AMBN: variants seen among roughly 807,000 people sequenced by gnomAD.
AMBN encodes the protein enamel matrix protein.
AMBN carries 54 observed loss-of-function variants against 48.0 expected under a neutral mutation model. That is an observed-to-expected ratio of 1.12 (90% CI 0.90 to 1.41). The LOEUF is 1.41. Ranked by LOEUF, AMBN falls within the 40% of genes most tolerant of loss-of-function variation. The pLI is 0.00. For synonymous variants in AMBN, 186 were observed against 190.0 expected, an observed-to-expected ratio of 0.98 and a Z score of 0.17; for missense variants, 571 against 547.3, an observed-to-expected ratio of 1.04 and a Z score of -0.43.
intron 4 of AMBN, 37 bp downstream of exon 4, chr4:70,598,440 GGTA>G: frequency 6.6e-7 from 1 of 1,513,102 alleles, no homozygotes; most frequent in African/African-American, 1.4e-5. Flanking sequence ...TCATGGTGGT[GGTA>G]GTGTTAATAT....
chr4:70,599,009 A>AG, intron 4 of AMBN, among the ~76,000 whole-genome samples: 1 of 150,096 alleles, frequency 6.7e-6, no homozygotes, highest in East Asian at 2.0e-4. Context: ...GCCTGACCTC[A>AG]GGTGATCCAC....
At position 70,606,265 on chromosome 4, in the gene AMBN, C is replaced by T. The variant is rs1363285302; in HGVS notation, c.879C>T (p.Pro293=). The stretch of plus-strand genomic sequence containing the variant: ...TGAGGCCCGGCTTTGAGGGAATGCC[C>T]CACAACCCAGCTATGGGCGGTGACT... ...GGMRPGFEGM[P]HNPAMGGDFT... is the part of the protein sequence containing the mutation. Residue 293 remains proline, a synonymous_variant, in exon 13 of 13, where the codon CCC becomes CCT. Transcript: ENST00000322937. 1 of 1,613,970 alleles carries T rather than the reference C, an allele frequency of 6.2e-7. No homozygotes were observed. Among genetic ancestry groups the T allele is most frequent in the Non-Finnish European group, 8.5e-7 (1 of 1,180,024 alleles).
Position 70,602,013 on chromosome 4 carries a change from C to T in AMBN, c.531+359C>T, listed in dbSNP as rs190944379. 53 of 455,524 alleles carry T rather than the reference C, an allele frequency of 1.2e-4. No individual in the cohort carries two copies. In the Middle Eastern group the frequency reaches 1.3e-3, roughly 11 times the overall value. The allele number at this position is 455,524 out of a possible 1,614,324, so 28.2% of individuals were successfully genotyped here. A position where few individuals can be genotyped will look rare whatever the true frequency, so the allele number is the denominator to read the frequency against. ...GGAAAAACTGAAAAAAGTGATTGAT[C>T]CCTCAGCATAACAAGTAGGATTTTG... On this transcript the variant is annotated intron_variant, in intron 6 of 12. Coordinates refer to ENST00000322937, the MANE Select transcript of AMBN (RefSeq NM_016519.6).
At position 70,603,014 on chromosome 4, in the gene AMBN, A is replaced by T; in HGVS notation, c.648+4A>T. On this transcript the variant is annotated splice_donor_region_variant and intron_variant, in intron 9 of 12. Transcript: ENST00000322937. ...TGCTGATCCACAAGGTTCAACAGTA[A>T]GTACAGATCTCAATGAGACACTGTC... is the stretch of plus-strand genomic sequence containing the variant. The T allele has an allele frequency of 6.2e-7, 1 of 1,601,748 alleles. No homozygotes were observed. Among genetic ancestry groups the T allele is most frequent in the Non-Finnish European group, 8.5e-7 (1 of 1,175,518 alleles).
chr4:70,596,914 G>A (rs1184967492), intron 2 of AMBN, 85 bp from the exon 3 acceptor site: 3 of 1,202,782 alleles, frequency 2.5e-6, no homozygotes, highest in Non-Finnish European at 3.6e-6. Flanking sequence ...TAGCCCGTAT[G>A]TACTGGAGCA....
At chr4:70,596,877 A>G in intron 2 of AMBN, 122 bp from the exon 3 acceptor site, 3 of 681,124 alleles carry the variant, frequency 4.4e-6, no homozygotes, top group Non-Finnish European at 7.3e-6. Flanking sequence ...TCATTTGCAT[A>G]ATAAACCAAA....
chr4:70,599,195 C>A (rs1161079337), intron 4 of AMBN, among the ~76,000 whole-genome samples: 1 of 152,052 alleles, frequency 6.6e-6, no homozygotes, highest in Admixed American at 6.6e-5. Flanking sequence ...GTAATTCCAA[C>A]ATTTTGGGAG....
Position 70,599,520 on chromosome 4 carries a change from T to G in AMBN, c.184-16T>G. The G allele has an allele frequency of 6.5e-7, 1 of 1,541,420 alleles. No individual in the cohort carries two copies. The highest frequency in any genetic ancestry group is 2.3e-5 in the East Asian group (1 of 44,382). On this transcript the variant is annotated splice_polypyrimidine_tract_variant and intron_variant, in intron 4 of 12. Coordinates refer to ENST00000322937, the MANE Select transcript of AMBN (RefSeq NM_016519.6). Reference sequence around the variant, plus strand: ...CATTTAAATATAAGCATGTCTTTTTTTATCCATGTCTTTAGTATTCTAGAT... The same window carrying G: ...CATTTAAATATAAGCATGTCTTTTTGTATCCATGTCTTTAGTATTCTAGAT...
intron 8 of AMBN, 28 bp downstream of exon 8, chr4:70,602,864 C>G (rs1022855801): frequency 5.8e-6 from 9 of 1,557,014 alleles, no homozygotes; most frequent in Middle Eastern, 1.7e-4. Context: ...TGAGACACTT[C>G]TATTTTTTAT....
At chr4:70,597,956 C>CTTGT (rs10540269) in intron 3 of AMBN, among the ~76,000 whole-genome samples, 33,234 of 151,412 alleles carry the variant, frequency 0.22, 3,940 homozygotes, top group South Asian at 0.35. Context: ...ATTTGTTTGT[C>CTTGT]TTGTTTGTTT....
intron 12 of AMBN, 126 bp downstream of exon 12, chr4:70,604,047 C>A: frequency 1.2e-6 from 1 of 817,958 alleles, no homozygotes; most frequent in Non-Finnish European, 2.0e-6. Flanking sequence ...TTTTCCACTC[C>A]AAAAACTAAG....
In AMBN at chr4:70,597,013, A is replaced by G. The variant is rs747166600; in HGVS notation, c.99A>G (p.Gln33=). Residue 33 remains glutamine, a synonymous_variant, in exon 3 of 13, where the codon CAA becomes CAG. Transcript: ENST00000322937. ...TTTTCATTCAGTTCTTTCCTCAGCAATCTGGAACACCGGGTATGGCTAGTT... is the reference window on the plus strand; with the variant it reads ...TTTTCATTCAGTTCTTTCCTCAGCAGTCTGGAACACCGGGTATGGCTAGTT... ...MSFAVPFFPQ[Q]SGTPGMASLS... is the part of the protein sequence containing the mutation. 1.5e-5 allele frequency: 24 copies of G among 1,613,498 alleles called. No individual in the cohort carries two copies. In the East Asian group the frequency reaches 5.1e-4, roughly 34 times the overall value.
rs146148316 is a variant in AMBN, at chr4:70,599,561, C to G, written c.209C>G (p.Ser70Ter). 3.9e-4 allele frequency: 636 copies of G among 1,612,454 alleles called. 1 individual carries two copies. Among genetic ancestry groups the G allele is most frequent in the Non-Finnish European group, 5.2e-4 (616 of 1,179,260 alleles). ...SQYSRYGFGKSFNSLWMHGLL... is the reference protein window; with the variant it reads ...SQYSRYGFGK Reference sequence around the variant, plus strand: ...TATTCTAGATACGGCTTTGGAAAATCATTTAATTCTTTGTGGATGCACGGT... The same window carrying G: ...TATTCTAGATACGGCTTTGGAAAATGATTTAATTCTTTGTGGATGCACGGT... The change falls in exon 5 of 13, where the codon TCA (serine) becomes TGA (stop). Residue 70 changes from serine (S) to a stop codon, truncating the protein, a stop_gained. Coordinates refer to ENST00000322937, the MANE Select transcript of AMBN (RefSeq NM_016519.6). LOFTEE classifies it high-confidence loss of function.
At chr4:70,600,000 A>T (rs1156558865) in intron 5 of AMBN, among the ~76,000 whole-genome samples, 1 of 152,174 alleles carries the variant, frequency 6.6e-6, no homozygotes, top group African/African-American at 2.4e-5. Context: ...TCAAATGATG[A>T]CAATAATCCT....
Position 70,603,876 on chromosome 4 carries a change from G to C in AMBN, c.754-1G>C. On this transcript the variant is annotated splice_acceptor_variant, in intron 11 of 12. Transcript: ENST00000322937. LOFTEE classifies it high-confidence loss of function. ...TTGACGCAATATTTCTTTTTGAACA[G>C]AATGCCCCTGCCAGACTTGGCATCA... The C allele has an allele frequency of 6.2e-7, 1 of 1,613,998 alleles. No homozygotes were observed. The highest frequency in any genetic ancestry group is 2.2e-5 in the East Asian group (1 of 44,838).
At chr4:70,593,535 C>A in intron 2 of AMBN, 140 bp downstream of exon 2, 2 of 691,722 alleles carry the variant, frequency 2.9e-6, no homozygotes, top group Non-Finnish European at 2.4e-6. Flanking sequence ...GAGTCAAAAG[C>A]CATAGTTGCT....
At chr4:70,595,190 C>CTTTTTT (rs367866356) in intron 2 of AMBN, among the ~76,000 whole-genome samples, 8 of 119,060 alleles carry the variant, frequency 6.7e-5, no homozygotes, top group Non-Finnish European at 8.3e-5. Flanking sequence ...TCCCTCTATT[C>CTTTTTT]TTTTTTTTTT....
At chr4:70,601,984 T>C (rs1737531440) in intron 6 of AMBN, 6 of 482,638 alleles carry the variant, frequency 1.2e-5, no homozygotes, top group Non-Finnish European at 4.0e-6. Flanking sequence ...TCTTTTTTGG[T>C]ATTGGAAAAA....
intron 7 of AMBN, 37 bp from the exon 8 acceptor site, chr4:70,602,761 T>G (rs1434086892): frequency 1.3e-6 from 2 of 1,514,308 alleles, no homozygotes; most frequent in South Asian, 2.5e-5. Flanking sequence ...CTTTGTTCAT[T>G]TTTTACTGAT....
Sources: allele counts gnomAD v4.1 joint callset (sites outside exome capture counted in the v4.1 genomes callset), GRCh38; gene constraint gnomAD v4.1.1; transcripts MANE v1.5; gene names NCBI Gene and HGNC (gene_info 2026-07-23, HGNC 2026-07-21).